Variants in DIS3L observed in about 807,000 individuals in gnomAD.
DIS3L encodes DIS3-like exonuclease 1.
In DIS3L, 100 loss-of-function variants were observed where a neutral mutation model predicts 120.3. That is an observed-to-expected ratio of 0.83 (90% confidence interval 0.71 to 0.98). DIS3L has a LOEUF of 0.98. DIS3L is among the 50% of genes least tolerant of loss of function. The pLI is 0.00. For missense variants in DIS3L, 1,196 were observed against 1,314.2 expected (o/e 0.91, Z 1.39); for synonymous variants, 426 against 470.6 (o/e 0.91, Z 1.23).
intron 3 of DIS3L, among the ~76,000 whole-genome samples, chr15:66,307,723 G>A (rs1421893853): frequency 6.6e-6 from 1 of 152,236 alleles, no homozygotes; most frequent in East Asian, 1.9e-4. Flanking sequence ...GAGTCCTTGA[G>A]TGTGGAGTGT....
intron 7 of DIS3L, 119 bp downstream of exon 7, chr15:66,315,334 A>G: frequency 3.1e-6 from 3 of 982,080 alleles, no homozygotes; most frequent in Non-Finnish European, 4.3e-6. Flanking sequence ...TTAAATTGAC[A>G]AAAACTGTAT....
chr15:66,304,102 A>G (rs1286874763), intron 2 of DIS3L, among the ~76,000 whole-genome samples: 1 of 148,736 alleles, frequency 6.7e-6, no homozygotes, highest in Non-Finnish European at 1.5e-5. Context: ...AAAAAAAAAA[A>G]AAAAAAAAAA....
chr15:66,314,970 G>T (rs1278869007), intron 6 of DIS3L, 66 bp from the exon 7 acceptor site: 2 of 1,533,264 alleles, frequency 1.3e-6, no homozygotes, highest in East Asian at 2.3e-5. Flanking sequence ...TATCATGCGC[G>T]GAATGCCTCA....
chr15:66,330,296 A>T, intron 14 of DIS3L: 1 of 324,682 alleles, frequency 3.1e-6, no homozygotes, highest in Non-Finnish European at 4.4e-6. Context: ...AACTCCGTCT[A>T]AAAAAAAAAA....
chr15:66,320,438 C>G (rs1270718157), intron 8 of DIS3L, 133 bp from the exon 9 acceptor site: 1 of 907,714 alleles, frequency 1.1e-6, no homozygotes, highest in Non-Finnish European at 1.6e-6. Context: ...AAAAACCCTA[C>G]CATACACCAC....
chr15:66,318,592 A>G lies in DIS3L; in HGVS notation c.1138A>G (p.Ser380Gly). 1.2e-6 allele frequency: 2 copies of G among 1,614,122 alleles called. No homozygotes were observed. The highest frequency in any genetic ancestry group is 1.3e-5 in the African/African-American group (1 of 75,038). ...TTACAGAATTCCCAAAATTCGAATT[A>G]GCACTCAGCAAGCAGAAACCCTCCA... ...WDYRIPKIRI[S>G]TQQAETLQDF... is the part of the protein sequence containing the mutation. Residue 380 changes from serine to glycine, a missense_variant, in exon 8 of 17, where the codon AGC becomes GGC. Physicochemically the swap from Ser to Gly is moderately conservative, Grantham distance 56. Transcript: ENST00000319212.
At chr15:66,298,587 G>T (rs1413543854) in intron 2 of DIS3L, among the ~76,000 whole-genome samples, 1 of 152,196 alleles carries the variant, frequency 6.6e-6, no homozygotes, top group Non-Finnish European at 1.5e-5. Context: ...TTTGTAATAA[G>T]ATTTCCTATT....
chr15:66,320,433 C>A (rs1341312986), intron 8 of DIS3L, 138 bp from the exon 9 acceptor site: 10 of 778,528 alleles, frequency 1.3e-5, no homozygotes, highest in Admixed American at 3.8e-5. Context: ...AAAAAAAAAA[C>A]CCTACCATAC....
chr15:66,317,357 A>G (rs567099714), intron 7 of DIS3L, among the ~76,000 whole-genome samples: 14 of 151,788 alleles, frequency 9.2e-5, no homozygotes, highest in Admixed American at 2.6e-4. Context: ...AAAAAAAAAA[A>G]AAAAAGAAAA....
At chr15:66,332,672 A>G in intron 15 of DIS3L, 64 bp from the exon 16 acceptor site, 1 of 1,413,640 alleles carries the variant, frequency 7.1e-7, no homozygotes, top group Non-Finnish European at 9.6e-7. Context: ...ATTCTAGATA[A>G]GCATACAAGA....
chr15:66,302,458 C>T (rs72748339), intron 2 of DIS3L, among the ~76,000 whole-genome samples: 2,297 of 152,284 alleles, frequency 0.015, 33 homozygotes, highest in Non-Finnish European at 0.021. Context: ...CAAAAGGCAA[C>T]GGGGCTCTGG....
rs373640886 is a variant in DIS3L at position 66,326,363 on chromosome 15, C to T, written c.2200C>T (p.Arg734Trp). 7.4e-6 allele frequency: 12 copies of T among 1,611,916 alleles called. No individual in the cohort carries two copies. The highest frequency in any genetic ancestry group is 4.5e-5 in the East Asian group (2 of 44,848). The part of the protein sequence containing the change: ...AKAKGFFIDT[R>W]SNKTLADSLD... Reference sequence around the variant, plus strand: ...AGCCAAAGGCTTCTTCATAGATACACGGTATTCCTCTTTTGAGGGGGCAGA... The same window carrying T: ...AGCCAAAGGCTTCTTCATAGATACATGGTATTCCTCTTTTGAGGGGGCAGA... The change falls in exon 12 of 17, where the codon CGG becomes TGG. Residue 734 changes from arginine (R) to tryptophan (W), a missense_variant and splice_region_variant. Transcript: ENST00000319212.
At chr15:66,299,681 A>T (rs541261647) in intron 2 of DIS3L, among the ~76,000 whole-genome samples, 2 of 152,310 alleles carry the variant, frequency 1.3e-5, no homozygotes, top group South Asian at 4.1e-4. Flanking sequence ...GTTTCCAAGG[A>T]GTATTTAATA....
intron 2 of DIS3L, among the ~76,000 whole-genome samples, chr15:66,299,254 C>G (rs1278308676): frequency 6.6e-6 from 1 of 152,088 alleles, no homozygotes; most frequent in East Asian, 1.9e-4. Context: ...GATTCCTGTC[C>G]TGAAAGGATT....
rs1052228211 is a variant in DIS3L, at chr15:66,325,980, A to G, written c.1817A>G (p.Asp606Gly). ...GATGGAAACTTAAGCGTTGTTGATGATATTCCAGAATTCAAAGACTTGGAT... is the reference window on the plus strand; with the variant it reads ...GATGGAAACTTAAGCGTTGTTGATGGTATTCCAGAATTCAAAGACTTGGAT... ...LLDGNLSVVDDIPEFKDLDEK... is the reference protein window; with the variant it reads ...LLDGNLSVVDGIPEFKDLDEK... Residue 606 changes from aspartate (D) to glycine (G), a missense_variant, in exon 12 of 17, where the codon GAT becomes GGT. Physicochemically the swap from Asp to Gly is moderately conservative, Grantham distance 94. Coordinates refer to ENST00000319212, the MANE Select transcript of DIS3L (RefSeq NM_001143688.3). 1.2e-6 allele frequency: 2 copies of G among 1,614,198 alleles called. No individual in the cohort carries two copies. Among genetic ancestry groups the G allele is most frequent in the African/African-American group, 1.3e-5 (1 of 75,036 alleles).
At chr15:66,332,607 G>T (rs1456073459) in intron 15 of DIS3L, 129 bp from the exon 16 acceptor site, 1 of 880,590 alleles carries the variant, frequency 1.1e-6, no homozygotes, top group African/African-American at 1.7e-5. Flanking sequence ...AAATAAATAC[G>T]TGGAGGTAAA....
At chr15:66,295,557 T>C (rs2092577476) in intron 2 of DIS3L, among the ~76,000 whole-genome samples, 1 of 152,240 alleles carries the variant, frequency 6.6e-6, no homozygotes, top group Non-Finnish European at 1.5e-5. Context: ...TAGACTCTTT[T>C]ATTGGGGATG....
intron 7 of DIS3L, among the ~76,000 whole-genome samples, chr15:66,316,614 G>A (rs559475359): frequency 2.6e-5 from 4 of 152,186 alleles, no homozygotes; most frequent in East Asian, 3.9e-4. Flanking sequence ...TCAGGAGTTC[G>A]AGACCAGCCT....
At chr15:66,332,959 A>T in intron 16 of DIS3L, 45 bp from the exon 17 acceptor site, 1 of 1,584,102 alleles carries the variant, frequency 6.3e-7, no homozygotes. Context: ...AATGTAAGGA[A>T]TAAATAATGT....
Sources: gnomAD v4.1 joint callset for allele counts (sites outside exome capture counted in the v4.1 genomes callset) on GRCh38, gnomAD v4.1.1 for gene constraint, MANE v1.5 for transcripts, NCBI Gene and HGNC (gene_info 2026-07-23, HGNC 2026-07-21) for gene names.